MARF1: variants seen among roughly 807,000 people sequenced by gnomAD.
The protein encoded by MARF1 is limkain-b1.
Under a neutral mutation model 168.2 loss-of-function variants are expected in MARF1, and 24 were observed. The observed-to-expected ratio is 0.14, with a 90% CI of 0.10 to 0.20. MARF1 has a LOEUF of 0.20. Among genes scored for constraint, MARF1 ranks in the 10% least tolerant of loss-of-function variants. The pLI is 1.00. For missense variants in MARF1, 1,744 were observed against 2,143.6 expected (o/e 0.81, Z 3.68); for synonymous variants, 868 against 822.4 (o/e 1.06, Z -0.95).
At chr16:15,611,453 A>AG in intron 18 of MARF1, 139 bp downstream of exon 18, 1 of 782,840 alleles carries the variant, frequency 1.3e-6, no homozygotes, top group East Asian at 2.9e-5. Context: ...TCTCAAAAAA[A>AG]AAAAAAAAAA....
Position 15,643,049 on chromosome 16 carries a change from C to T in MARF1, c.-90G>A. ...CGCCGGCTCCACCTCCGCTCACATT[C>T]CGGCCCCGCCGCCTTCCCCCCGCCC... is the stretch of plus-strand genomic sequence containing the variant. On this transcript the variant is annotated 5_prime_UTR_variant, in exon 1 of 27. Coordinates refer to ENST00000396368, the MANE Select transcript of MARF1 (RefSeq NM_014647.4). 1 of 291,196 alleles carries T rather than the reference C, an allele frequency of 3.4e-6. No individual in the cohort carries two copies. Among genetic ancestry groups the T allele is most frequent in the Non-Finnish European group, 6.6e-6 (1 of 151,620 alleles). The allele number at this position is 291,196 out of a possible 1,614,324, so 18.0% of individuals were successfully genotyped here.
At chr16:15,637,654 C>A (rs2035683253) in intron 2 of MARF1, among the ~76,000 whole-genome samples, 1 of 152,164 alleles carries the variant, frequency 6.6e-6, no homozygotes, top group Admixed American at 6.5e-5. Context: ...GTTTCAAGAT[C>A]TGTAAAGTTG....
chr16:15,635,632 C>T (rs1283492219), intron 3 of MARF1, 24 bp downstream of exon 3: 1 of 1,599,852 alleles, frequency 6.3e-7, no homozygotes. Flanking sequence ...CTGCACCCAA[C>T]TTAAGAAATA....
At chr16:15,618,838 C>T (rs1024771368) in intron 13 of MARF1, among the ~76,000 whole-genome samples, 3 of 152,206 alleles carry the variant, frequency 2.0e-5, no homozygotes, top group Non-Finnish European at 4.4e-5. Context: ...ATGTCCAAAA[C>T]CAAGACCAAA....
At chr16:15,606,768 T>C (rs1383197384) in intron 21 of MARF1, among the ~76,000 whole-genome samples, 1 of 152,166 alleles carries the variant, frequency 6.6e-6, no homozygotes, top group Non-Finnish European at 1.5e-5. Flanking sequence ...CTTCTCTCTC[T>C]AGACAGATCC....
chr16:15,601,334 G>T (rs1157924438), intron 23 of MARF1: 1 of 320,286 alleles, frequency 3.1e-6, no homozygotes, highest in Non-Finnish European at 6.2e-6. Context: ...CAGTGGCCAG[G>T]ATCCTAGCCC....
At chr16:15,632,476 A>G (rs2035315326) in intron 5 of MARF1, among the ~76,000 whole-genome samples, 1 of 152,210 alleles carries the variant, frequency 6.6e-6, no homozygotes, top group African/African-American at 2.4e-5. Context: ...TACTAGCCCA[A>G]CCAGAAACAG....
intron 11 of MARF1, 84 bp from the exon 12 acceptor site, chr16:15,621,995 A>T: frequency 8.0e-7 from 1 of 1,244,716 alleles, no homozygotes; most frequent in Non-Finnish European, 1.1e-6. Flanking sequence ...ATGAAGGAAC[A>T]CATTTGTCGA....
chr16:15,606,582 GA>G (rs1567537822), intron 21 of MARF1, among the ~76,000 whole-genome samples: 1 of 151,948 alleles, frequency 6.6e-6, no homozygotes, highest in Non-Finnish European at 1.5e-5. Context: ...CTCTCTAGTG[GA>G]AAACCACTCT....
intron 1 of MARF1, among the ~76,000 whole-genome samples, chr16:15,640,068 A>G (rs1189295566): frequency 2.0e-5 from 3 of 152,192 alleles, no homozygotes; most frequent in Admixed American, 1.3e-4. Flanking sequence ...CTCTCTCCCT[A>G]AAGATGCTGC....
intron 23 of MARF1, chr16:15,601,067 A>G (rs2032373557): frequency 1.9e-6 from 1 of 516,922 alleles, no homozygotes; most frequent in African/African-American, 1.9e-5. Flanking sequence ...AAGAATTAAG[A>G]GCAATCTCTC....
intron 20 of MARF1, among the ~76,000 whole-genome samples, chr16:15,609,188 A>C (rs1327307128): frequency 1.3e-5 from 2 of 152,346 alleles, no homozygotes; most frequent in Non-Finnish European, 2.9e-5. Context: ...GCAGTGAGCC[A>C]AGATTGCGCC....
intron 21 of MARF1, among the ~76,000 whole-genome samples, chr16:15,606,590 C>T (rs183824977): frequency 1.8e-3 from 271 of 152,250 alleles, no homozygotes; most frequent in African/African-American, 6.2e-3. Flanking sequence ...TGGAAAACCA[C>T]TCTTGGAAGA....
intron 14 of MARF1, 43 bp from the exon 15 acceptor site, chr16:15,617,214 G>T: frequency 6.2e-7 from 1 of 1,611,688 alleles, no homozygotes; most frequent in Non-Finnish European, 8.5e-7. Context: ...ATTCCGCAGG[G>T]GTCTAAGATG....
At position 15,611,148 on chromosome 16, in the gene MARF1, A is replaced by G. The variant is rs751123365; in HGVS notation, c.3618-40T>C. ...CGGAAGTGGATACGGAATGAGTAGT[A>G]TCATCGGTAGAAGAACTACAAGTTT... On this transcript the variant is annotated intron_variant, in intron 18 of 26. Transcript: ENST00000396368. 21 of 1,599,684 alleles carry G rather than the reference A, an allele frequency of 1.3e-5. No individual in the cohort carries two copies. The East Asian group carries it at 4.7e-4, about 36-fold the overall frequency.
At chr16:15,637,098 A>G (rs759539714) in intron 2 of MARF1, among the ~76,000 whole-genome samples, 2 of 152,176 alleles carry the variant, frequency 1.3e-5, no homozygotes, top group African/African-American at 2.4e-5. Flanking sequence ...AGAATCTGAT[A>G]CTCAATAGTT....
Position 15,616,114 on chromosome 16 carries a change from T to G in MARF1, c.3078-109A>C, listed in dbSNP as rs2034025564. 22 of 892,124 alleles carry G rather than the reference T, an allele frequency of 2.5e-5. No individual in the cohort carries two copies. In the East Asian group the frequency reaches 6.5e-4, roughly 26 times the overall value. 55.3% of individuals were successfully genotyped at this position (892,124 alleles called of 1,614,324 possible). A position where few individuals can be genotyped will look rare whatever the true frequency, so the allele number is the denominator to read the frequency against. ...GTTTAATGTATGTGTTAATCATTTG[T>G]CTGAATGCCCACCACCAGGTTTGAA... On this transcript the variant is annotated intron_variant, in intron 15 of 26. Transcript: ENST00000396368.
rs1409109691 is a variant in MARF1 at position 15,596,880 on chromosome 16, T to C, written c.5042A>G (p.Lys1681Arg). 5.0e-6 allele frequency: 8 copies of C among 1,613,596 alleles called. No homozygotes were observed. The African/African-American group carries it at 1.1e-4, about 22-fold the overall frequency. ...CGAGCTGGAGTCAGAGGTCAGAGTT[T>C]TGCTCTTTCCTGGTATTGGAATCTC... ...KMEIPIPGKS[K>R]TLTSDSSSSC... The change falls in exon 27 of 27, where the codon AAA becomes AGA. Residue 1681 changes from lysine to arginine, a missense_variant. By Grantham distance (26) the Lys-to-Arg change is conservative. This residue lies in a region of MARF1 where 313 missense variants were observed against 337.4 expected (regional missense o/e 0.93). Coordinates refer to ENST00000396368, the MANE Select transcript of MARF1 (RefSeq NM_014647.4).
chr16:15,612,953 GCTAA>G (rs961049525), intron 16 of MARF1, among the ~76,000 whole-genome samples, 176 bp from the exon 17 acceptor site: 4 of 152,144 alleles, frequency 2.6e-5, no homozygotes, highest in Non-Finnish European at 4.4e-5. Flanking sequence ...CCAATAACTA[GCTAA>G]CTAACTTATT....
Sources: gnomAD v4.1 joint callset for allele counts (sites outside exome capture counted in the v4.1 genomes callset) on GRCh38, gnomAD v4.1.1 for gene constraint, gnomAD v4.1.1 regional missense constraint, MANE v1.5 for transcripts, NCBI Gene and HGNC (gene_info 2026-07-23, HGNC 2026-07-21) for gene names.